The following PLCH1 variants were observed in gnomAD, a reference collection of about 807,000 sequenced individuals.
PLCH1 encodes the protein phospholipase C eta 1, also known as 1-phosphatidylinositol 4,5-bisphosphate phosphodiesterase eta-1.
Under a neutral mutation model 126.7 loss-of-function variants are expected in PLCH1, and 60 were observed. That is an observed-to-expected ratio of 0.47 (90% CI 0.38 to 0.59). The LOEUF is 0.59. Ranked by LOEUF, PLCH1 falls within the 20% of genes least tolerant of loss-of-function variation. The probability of loss-of-function intolerance (pLI) is 0.00; values close to 1 mark genes in which losing one functional copy is unlikely to be tolerated. For synonymous variants in PLCH1, 719 were observed against 734.9 expected, an observed-to-expected ratio of 0.98 and a Z score of 0.35; for missense variants, 1,723 against 2,040.0, an observed-to-expected ratio of 0.84 and a Z score of 2.99.
chr3:155,679,900 C>T (rs1415844547), intron 2 of PLCH1, among the ~76,000 whole-genome samples: 1 of 152,126 alleles, frequency 6.6e-6, no homozygotes, highest in Non-Finnish European at 1.5e-5. Flanking sequence ...CAAACCCAAG[C>T]TGACTCCAGA....
At chr3:155,727,391 C>T (rs1413204348) in intron 1 of PLCH1, among the ~76,000 whole-genome samples, 8 of 141,660 alleles carry the variant, frequency 5.6e-5, no homozygotes, top group Non-Finnish European at 1.1e-4. Flanking sequence ...GTACGAAATC[C>T]TTTTTTTTTT....
chr3:155,566,210 C>CGT (rs1323982941), intron 7 of PLCH1, among the ~76,000 whole-genome samples: 6,693 of 43,026 alleles, frequency 0.16, 1,628 homozygotes, highest in Non-Finnish European at 0.33. Flanking sequence ...CATATATACA[C>CGT]ATATATACGT....
intron 21 of PLCH1, among the ~76,000 whole-genome samples, chr3:155,451,212 G>A (rs1019987593): frequency 2.6e-5 from 4 of 152,052 alleles, no homozygotes; most frequent in African/African-American, 9.7e-5. Flanking sequence ...ATCATCATTT[G>A]ATAACATTAC....
At chr3:155,576,511 A>C (rs1345217853) in intron 6 of PLCH1, among the ~76,000 whole-genome samples, 1 of 152,240 alleles carries the variant, frequency 6.6e-6, no homozygotes, top group African/African-American at 2.4e-5. Flanking sequence ...TGAGAGCTTC[A>C]GTAAAATAAA....
rs1248830095 is a variant in PLCH1, at chr3:155,737,227, G to A, written c.-41+7613C>T. Reference sequence around the variant, plus strand: ...AGCCTGGGTGACAGAGCAAGCCTCCGTCTCAAAAAAAAAAAAAAAAAAGAG... The same window carrying A: ...AGCCTGGGTGACAGAGCAAGCCTCCATCTCAAAAAAAAAAAAAAAAAAGAG... On this transcript the variant is annotated intron_variant, in intron 1 of 22. Coordinates refer to ENST00000460012, the MANE Select transcript of PLCH1 (RefSeq NM_014996.4). 7.8e-4 allele frequency among the ~76,000 whole-genome samples: 11 copies of A among 14,014 alleles called. No individual in the cohort carries two copies. The South Asian group carries it at 8.8e-3, about 11-fold the overall frequency. 9.2% of individuals were successfully genotyped at this position (14,014 alleles called of 152,430 possible). A position where few individuals can be genotyped will look rare whatever the true frequency, so the allele number is the denominator to read the frequency against.
chr3:155,564,163 C>T (rs1160614289), intron 8 of PLCH1, among the ~76,000 whole-genome samples: 1 of 152,146 alleles, frequency 6.6e-6, no homozygotes, highest in African/African-American at 2.4e-5. Flanking sequence ...ACTGTGAACT[C>T]CCTGAAGACA....
rs1259257208 is a variant in PLCH1, at chr3:155,481,151, G to A, written c.4875C>T (p.Ser1625=). Residue 1625 remains serine (S), a synonymous_variant, in exon 23 of 23, where the codon TCC becomes TCT. Coordinates refer to ENST00000460012, the MANE Select transcript of PLCH1 (RefSeq NM_014996.4). The surrounding 1 kb of genome is among the most constrained non-coding windows in gnomAD (Gnocchi z 4.2). ...TPAVNRHSTG[S]YIAGYLKNTK... is the part of the protein sequence containing the mutation. ...TGTTCTTCAGGTAGCCTGCGATGTA[G>A]GAGCCGGTGGAGTGGCGATTCACTG... The A allele has an allele frequency of 6.2e-7, 1 of 1,614,232 alleles. No homozygotes were observed. The highest frequency in any genetic ancestry group is 2.2e-5 in the East Asian group (1 of 44,880).
intron 8 of PLCH1, among the ~76,000 whole-genome samples, chr3:155,561,940 C>T (rs146789049): frequency 3.7e-4 from 56 of 152,212 alleles, no homozygotes; most frequent in African/African-American, 1.3e-3. Context: ...TGCCACCATG[C>T]CCGGATAATT....
chr3:155,664,045 G>A (rs771918234), intron 2 of PLCH1, among the ~76,000 whole-genome samples: 3 of 152,086 alleles, frequency 2.0e-5, no homozygotes, highest in Admixed American at 6.5e-5. Context: ...TTTGCTAACC[G>A]ATGAGTTGAA....
intron 2 of PLCH1, among the ~76,000 whole-genome samples, chr3:155,624,433 T>A (rs535912577): frequency 6.6e-6 from 1 of 152,230 alleles, no homozygotes; most frequent in Admixed American, 6.5e-5. Context: ...ATAAAGGGTA[T>A]CAATTAGGAA....
intron 2 of PLCH1, among the ~76,000 whole-genome samples, chr3:155,690,056 AAAAAG>A (rs965621159): frequency 1.3e-5 from 2 of 152,020 alleles, no homozygotes; most frequent in Non-Finnish European, 2.9e-5. Flanking sequence ...TAAAAAAAAA[AAAAAG>A]AAAAGAACAT....
chr3:155,612,427 A>C (rs1345452132), intron 2 of PLCH1, among the ~76,000 whole-genome samples: 1 of 152,164 alleles, frequency 6.6e-6, no homozygotes, highest in Non-Finnish European at 1.5e-5. Flanking sequence ...TCACACCTCA[A>C]GGAACTTGAG....
At chr3:155,731,986 C>CAAA (rs11449385) in intron 1 of PLCH1, among the ~76,000 whole-genome samples, 36 of 68,154 alleles carry the variant, frequency 5.3e-4, no homozygotes, top group Middle Eastern at 9.3e-3. Context: ...GACCCTGTCT[C>CAAA]AAAAAAAAAA....
At chr3:155,580,512 A>G (rs1730531385) in intron 6 of PLCH1, among the ~76,000 whole-genome samples, 1 of 152,172 alleles carries the variant, frequency 6.6e-6, no homozygotes, top group African/African-American at 2.4e-5. Flanking sequence ...AATGTCAAAT[A>G]GTTTTTAGAC....
intron 8 of PLCH1, among the ~76,000 whole-genome samples, chr3:155,564,062 C>A (rs2108507605): frequency 6.6e-6 from 1 of 152,264 alleles, no homozygotes; most frequent in Admixed American, 6.5e-5. Flanking sequence ...ATCCTCCCAC[C>A]TCAGCCTCCC....
At chr3:155,591,536 T>TTTGTAAAACAGA (rs1171109384) in intron 4 of PLCH1, among the ~76,000 whole-genome samples, 3 of 152,216 alleles carry the variant, frequency 2.0e-5, no homozygotes, top group Non-Finnish European at 4.4e-5. Flanking sequence ...ATTAAAGAGA[T>TTTGTAAAACAGA]TTGTAAAACA....
At chr3:155,589,804 T>C (rs531833293) in intron 4 of PLCH1, among the ~76,000 whole-genome samples, 8 of 152,218 alleles carry the variant, frequency 5.3e-5, no homozygotes, top group African/African-American at 1.7e-4. Context: ...GCAGTACCTA[T>C]TACTTGTAAA....
intron 1 of PLCH1, chr3:155,743,665 C>T: frequency 5.2e-6 from 2 of 384,058 alleles, no homozygotes; most frequent in Non-Finnish European, 1.0e-5. Flanking sequence ...AAAAAACTAC[C>T]GCCTCTTCTG....
downstream of PLCH1, among the ~76,000 whole-genome samples, chr3:155,475,065 C>G (rs1713472927): frequency 7.0e-6 from 1 of 143,264 alleles, no homozygotes; most frequent in South Asian, 2.2e-4. Flanking sequence ...TACCCTAAAA[C>G]TTAAAGTATT....
Sources: gnomAD v4.1 joint callset for allele counts (sites outside exome capture counted in the v4.1 genomes callset) on GRCh38, gnomAD v4.1.1 for gene constraint, Gnocchi (gnomAD v3.1) non-coding constraint, MANE v1.5 for transcripts, NCBI Gene and HGNC (gene_info 2026-07-23, HGNC 2026-07-21) for gene names.